The following CAB39L variants were observed in gnomAD, a reference collection of about 807,000 sequenced individuals.
CAB39L encodes the protein calcium-binding protein 39-like.
Under a neutral mutation model 39.1 loss-of-function variants are expected in CAB39L, and 23 were observed. The observed-to-expected ratio is 0.59, with a 90% confidence interval of 0.42 to 0.83. CAB39L has a LOEUF of 0.83. Among genes scored for constraint, CAB39L ranks in the 40% least tolerant of loss-of-function variants. The probability of loss-of-function intolerance (pLI) is 0.00; values close to 1 mark genes in which losing one functional copy is unlikely to be tolerated. For synonymous variants in CAB39L, 126 were observed against 137.2 expected, an observed-to-expected ratio of 0.92 and a Z score of 0.57; for missense variants, 366 against 391.9, an observed-to-expected ratio of 0.93 and a Z score of 0.56.
chr13:49,368,135 T>C (rs1955819378), intron 5 of CAB39L, among the ~76,000 whole-genome samples: 1 of 152,214 alleles, frequency 6.6e-6, no homozygotes, highest in African/African-American at 2.4e-5. Context: ...TAGGAACATG[T>C]TTTTCATACT....
intron 1 of CAB39L, among the ~76,000 whole-genome samples, chr13:49,440,378 C>T (rs994723528): frequency 1.3e-5 from 2 of 152,058 alleles, no homozygotes; most frequent in Non-Finnish European, 2.9e-5. Flanking sequence ...CCATTGCTTC[C>T]TTTTGTCAAT....
chr13:49,339,590 T>C (rs921154368), intron 9 of CAB39L, 87 bp downstream of exon 9: 1 of 1,279,236 alleles, frequency 7.8e-7, no homozygotes, highest in Non-Finnish European at 1.0e-6. Flanking sequence ...TTAATTTTTC[T>C]GTGTTTACTC....
chr13:49,326,011 G>C (rs1168061621), intron 10 of CAB39L, among the ~76,000 whole-genome samples: 2 of 152,166 alleles, frequency 1.3e-5, no homozygotes, highest in African/African-American at 2.4e-5. Context: ...GTTTTGAAGG[G>C]AATAGCTATT....
At chr13:49,432,510 G>A (rs1566139090) in intron 3 of CAB39L, among the ~76,000 whole-genome samples, 1 of 152,054 alleles carries the variant, frequency 6.6e-6, no homozygotes, top group Non-Finnish European at 1.5e-5. Flanking sequence ...GTTGTTTGCT[G>A]TTTCTGCTGA....
intron 6 of CAB39L, among the ~76,000 whole-genome samples, chr13:49,355,658 A>G (rs1004812691): frequency 6.6e-6 from 1 of 152,152 alleles, no homozygotes; most frequent in African/African-American, 2.4e-5. Context: ...CAGATGGCCA[A>G]TTGAGCATTA....
At chr13:49,420,244 C>A (rs1001503528) in intron 3 of CAB39L, 1 of 152,150 alleles carries the variant, frequency 6.6e-6, no homozygotes, top group Admixed American at 6.5e-5. Flanking sequence ...TTTGTCTTGC[C>A]ATATTTCTCT....
chr13:49,361,550 G>C lies in CAB39L; in HGVS notation c.277-1718C>G, dbSNP rs12873603. On this transcript the variant is annotated intron_variant, in intron 5 of 10. Coordinates refer to ENST00000409308, the MANE Select transcript of CAB39L (RefSeq NM_001079670.3). Reference sequence around the variant, plus strand: ...AGAGAGAGACAGAAAAAAAGAGAGAGAAAGAGAAAGAAAAGAAAGAAAGAA... The same window carrying C: ...AGAGAGAGACAGAAAAAAAGAGAGACAAAGAGAAAGAAAAGAAAGAAAGAA... Among the ~76,000 whole-genome samples, 24 of 106,708 alleles carry C rather than the reference G, an allele frequency of 2.2e-4. No individual in the cohort carries two copies. The Admixed American group carries it at 2.5e-3, about 11-fold the overall frequency. The allele number at this position is 106,708 out of a possible 152,430, so 70.0% of individuals were successfully genotyped here.
intron 8 of CAB39L, among the ~76,000 whole-genome samples, chr13:49,341,100 C>T (rs900451683): frequency 1.1e-4 from 16 of 152,124 alleles, no homozygotes; most frequent in Admixed American, 7.2e-4. Flanking sequence ...GATTTATCCA[C>T]GTTATCTTAG....
At position 49,441,226 on chromosome 13, in the gene CAB39L, T is replaced by TATATATATATATATATATATATATATATA. The variant is rs1282371923; in HGVS notation, c.-246+2759_-246+2760insTATATATATATATATATATATATATATAT. Among the ~76,000 whole-genome samples the TATATATATATATATATATATATATATATA allele has an allele frequency of 1.3e-3, 152 of 112,730 alleles. 1 individual carries two copies. Among genetic ancestry groups the TATATATATATATATATATATATATATATA allele is most frequent in the African/African-American group, 6.7e-3 (142 of 21,148 alleles). 74.0% of individuals were successfully genotyped at this position (112,730 alleles called of 152,430 possible). On this transcript the variant is annotated intron_variant, in intron 1 of 10. Transcript: ENST00000409308. ...TTTTCTTATAATGATTTAGTGTATA[T>TATATATATATATATATATATATATATATA]ATATATATATATATATATTCCCTTT...
intron 9 of CAB39L, among the ~76,000 whole-genome samples, chr13:49,337,056 AGG>A (rs1377693747): frequency 6.6e-6 from 1 of 152,196 alleles, no homozygotes; most frequent in African/African-American, 2.4e-5. Flanking sequence ...ACACCCAGTG[AGG>A]GTACAAATAT....
At chr13:49,381,100 G>T (rs570849690) in intron 4 of CAB39L, among the ~76,000 whole-genome samples, 3 of 152,168 alleles carry the variant, frequency 2.0e-5, no homozygotes, top group Non-Finnish European at 4.4e-5. Context: ...GCTAATTTTT[G>T]TATTTTTAGT....
At chr13:49,344,067 G>T in intron 8 of CAB39L, 112 bp downstream of exon 8, 1 of 717,438 alleles carries the variant, frequency 1.4e-6, no homozygotes, top group Non-Finnish European at 2.5e-6. Context: ...TCAGGAGTAT[G>T]GTTGAATGCG....
rs1378318603 is a variant in CAB39L at position 49,432,116 on chromosome 13, C to A, written c.-32+1202G>T. Among the ~76,000 whole-genome samples the A allele has an allele frequency of 4.1e-4, 62 of 151,946 alleles. 1 individual carries two copies. Among genetic ancestry groups the A allele is most frequent in the Non-Finnish European group, 1.5e-5 (1 of 68,006 alleles). ...CCTTACTCTTTATTTATTTTATAATCCCTATTTTATTTATTGAACATATTA... is the reference window on the plus strand; with the variant it reads ...CCTTACTCTTTATTTATTTTATAATACCTATTTTATTTATTGAACATATTA... On this transcript the variant is annotated intron_variant, in intron 3 of 10. Coordinates refer to ENST00000409308, the MANE Select transcript of CAB39L (RefSeq NM_001079670.3).
chr13:49,315,990 C>A (rs1566402376), intron 10 of CAB39L, among the ~76,000 whole-genome samples: 1 of 150,710 alleles, frequency 6.6e-6, no homozygotes, highest in Non-Finnish European at 1.5e-5. Flanking sequence ...ACCAAAGCAA[C>A]ATAAGGAAGG....
chr13:49,339,125 C>CTTTTTT (rs1215081648), intron 9 of CAB39L, among the ~76,000 whole-genome samples: 73 of 99,870 alleles, frequency 7.3e-4, no homozygotes, highest in Middle Eastern at 5.9e-3. Flanking sequence ...TTTTACATGT[C>CTTTTTT]TTTTTTTTTT....
intron 6 of CAB39L, among the ~76,000 whole-genome samples, chr13:49,357,147 C>T (rs985996387): frequency 3.3e-5 from 5 of 152,038 alleles, no homozygotes; most frequent in Admixed American, 1.3e-4. Flanking sequence ...CCGCTCCCTT[C>T]ACATTTGAAC....
chr13:49,428,684 G>A (rs1193448619), intron 3 of CAB39L, among the ~76,000 whole-genome samples: 2 of 152,132 alleles, frequency 1.3e-5, no homozygotes, highest in African/African-American at 4.8e-5. Context: ...TGTTCAGGGA[G>A]CTCTCCAATA....
intron 6 of CAB39L, among the ~76,000 whole-genome samples, chr13:49,358,639 T>C (rs964934964): frequency 9.9e-5 from 15 of 152,082 alleles, no homozygotes; most frequent in African/African-American, 3.4e-4. Flanking sequence ...GGCAGGCAGA[T>C]CACTTGAGGT....
At chr13:49,329,115 T>C (rs1026116894) in intron 10 of CAB39L, among the ~76,000 whole-genome samples, 1 of 152,218 alleles carries the variant, frequency 6.6e-6, no homozygotes, top group Non-Finnish European at 1.5e-5. Context: ...CGGATTTATA[T>C]AGGTTTATTT....
Sources: allele counts gnomAD v4.1 joint callset (sites outside exome capture counted in the v4.1 genomes callset), GRCh38; gene constraint gnomAD v4.1.1; transcripts MANE v1.5; gene names NCBI Gene and HGNC (gene_info 2026-07-23, HGNC 2026-07-21).